Variants in MCRS1 observed in about 807,000 individuals in gnomAD.
The protein encoded by MCRS1 is microspherule protein 1.
Under a neutral mutation model 62.9 loss-of-function variants are expected in MCRS1, and 22 were observed. The ratio of observed to expected loss-of-function variants is 0.35; its 90% CI spans 0.25 to 0.50. MCRS1 has a LOEUF of 0.50. Among genes scored for constraint, MCRS1 ranks in the 20% least tolerant of loss-of-function variants. The probability of loss-of-function intolerance (pLI) is 0.98; values close to 1 mark genes in which losing one functional copy is unlikely to be tolerated. For synonymous variants in MCRS1, 244 were observed against 233.5 expected (o/e 1.04, Z -0.41); for missense variants, 456 against 601.1 (o/e 0.76, Z 2.52).
rs1164642054 is a variant in MCRS1, at chr12:49,566,719, T to C, written c.10+3A>G. The C allele has an allele frequency of 6.2e-7, 1 of 1,613,824 alleles. No individual in the cohort carries two copies. The highest frequency in any genetic ancestry group is 8.5e-7 in the Non-Finnish European group (1 of 1,179,924). On this transcript the variant is annotated splice_donor_region_variant and intron_variant, in intron 2 of 14. Coordinates refer to ENST00000343810, the MANE Select transcript of MCRS1 (RefSeq NM_006337.5). Reference sequence around the variant, plus strand: ...TTGGGGAGCTGTCCCGGCCTCATACTACCTTTGTCCATCCTCTTACAGTCC... The same window carrying C: ...TTGGGGAGCTGTCCCGGCCTCATACCACCTTTGTCCATCCTCTTACAGTCC...
intron 6 of MCRS1, 97 bp from the exon 7 acceptor site, chr12:49,563,643 C>A: frequency 1.1e-6 from 1 of 884,004 alleles, no homozygotes; most frequent in Non-Finnish European, 1.7e-6. Flanking sequence ...CTTTTGAGAT[C>A]CAGAACCTAG....
chr12:49,563,702 G>T (rs1381489682), intron 6 of MCRS1, among the ~76,000 whole-genome samples, 156 bp from the exon 7 acceptor site: 1 of 152,228 alleles, frequency 6.6e-6, no homozygotes, highest in Admixed American at 6.5e-5. Context: ...GATAATCTGT[G>T]GCTCCACAGG....
chr12:49,559,763 C>G lies in MCRS1; in HGVS notation c.969G>C (p.Leu323=). The G allele has an allele frequency of 6.2e-7, 1 of 1,614,212 alleles. No homozygotes were observed. Among genetic ancestry groups the G allele is most frequent in the Non-Finnish European group, 8.5e-7 (1 of 1,180,038 alleles). The change falls in exon 11 of 15, where the codon CTG becomes CTC. Residue 323 remains leucine (L), a synonymous_variant. Coordinates refer to ENST00000343810, the MANE Select transcript of MCRS1 (RefSeq NM_006337.5). The surrounding 1 kb of genome is among the most constrained non-coding windows in gnomAD (Gnocchi z 5.2). The stretch of plus-strand genomic sequence containing the variant: ...TGTCCACTAGCACCTGCCACTTATG[C>G]AGTTCCTGTTCCAGCTGCCGAATCT... ...KREIRQLEQE[L]HKWQVLVDSI...
At chr12:49,564,973 A>C in intron 4 of MCRS1, 78 bp from the exon 5 acceptor site, 1 of 1,484,776 alleles carries the variant, frequency 6.7e-7, no homozygotes, top group Non-Finnish European at 9.0e-7. Flanking sequence ...AGTTTCACAT[A>C]CTCTGTGGCA....
chr12:49,558,352 T>A lies in MCRS1; in HGVS notation c.*291A>T. 2.3e-6 allele frequency: 1 copy of A among 443,772 alleles called. No individual in the cohort carries two copies. The highest frequency in any genetic ancestry group is 4.0e-6 in the Non-Finnish European group (1 of 253,132). The allele number at this position is 443,772 out of a possible 1,614,324, so 27.5% of individuals were successfully genotyped here. On this transcript the variant is annotated 3_prime_UTR_variant, in exon 15 of 15. Transcript: ENST00000343810. The stretch of plus-strand genomic sequence containing the variant: ...CAAAAGAAAAACAATAAAAGAAGAG[T>A]CTGAGGCTAATCAGCTGGAGACACA...
intron 8 of MCRS1, among the ~76,000 whole-genome samples, chr12:49,562,013 C>CT (rs1307074410): frequency 6.6e-6 from 1 of 152,156 alleles, no homozygotes; most frequent in Non-Finnish European, 1.5e-5. Context: ...TCTGTGATAT[C>CT]TGAGTCTGAG....
At chr12:49,566,674 G>T (rs374440268) in intron 2 of MCRS1, 48 bp downstream of exon 2, 2 of 1,612,960 alleles carry the variant, frequency 1.2e-6, no homozygotes, top group African/African-American at 2.7e-5. Context: ...GGAATCAGCA[G>T]ATGCTTGGCG....
intron 8 of MCRS1, among the ~76,000 whole-genome samples, chr12:49,562,061 G>C (rs979919416): frequency 6.6e-6 from 1 of 152,168 alleles, no homozygotes; most frequent in Non-Finnish European, 1.5e-5. Flanking sequence ...GAATAAAGAG[G>C]GCTGCCCCCG....
intron 1 of MCRS1, 125 bp from the exon 2 acceptor site, chr12:49,566,966 A>T: frequency 1.7e-6 from 1 of 580,656 alleles, no homozygotes; most frequent in South Asian, 2.0e-5. Context: ...GGAAAGAGGC[A>T]TAAGGCCCCA....
intron 8 of MCRS1, among the ~76,000 whole-genome samples, chr12:49,560,674 G>A (rs976842051): frequency 2.0e-5 from 3 of 152,196 alleles, no homozygotes; most frequent in Admixed American, 6.5e-5. Flanking sequence ...ACTACCATTA[G>A]CTCTATTTTA....
chr12:49,561,420 C>T (rs1017345190), intron 8 of MCRS1, among the ~76,000 whole-genome samples: 2 of 152,162 alleles, frequency 1.3e-5, no homozygotes, highest in Non-Finnish European at 2.9e-5. Flanking sequence ...TCCCTCCCCA[C>T]CAGAGCTGCC....
Position 49,563,053 on chromosome 12 carries a change from CAGGGCCTTCGCGGTA to C in MCRS1, c.738_752del (p.Thr247_Leu251del). On this transcript the variant is annotated inframe_deletion, in exon 8 of 15. Transcript: ENST00000343810. ...GCTTCATGAGCTGCCAGTGGGCCTG[CAGGGCCTTCGCGGTA>C]CGGGCCAGGTAGAAGGCATCAGGGT... The C allele has an allele frequency of 6.3e-7, 1 of 1,585,796 alleles. No individual in the cohort carries two copies. Among genetic ancestry groups the C allele is most frequent in the Non-Finnish European group, 8.6e-7 (1 of 1,163,750 alleles).
At chr12:49,565,388 G>T in intron 4 of MCRS1, 141 bp downstream of exon 4, 1 of 1,500,666 alleles carries the variant, frequency 6.7e-7, no homozygotes, top group East Asian at 2.4e-5. Flanking sequence ...GTTCCCAGGA[G>T]GGGGGCATCT....
chr12:49,566,175 G>C lies in MCRS1; in HGVS notation c.51C>G (p.Gly17=). ...GLLDSSLMAS[G]TASRSEDEES... ...CCTCATCCTCTGAGCGGCTGGCAGT[G>C]CCTGATGCCATCAGGGATGAATCTA... The change falls in exon 3 of 15, where the codon GGC becomes GGG. Residue 17 remains glycine (G), a synonymous_variant. Coordinates refer to ENST00000343810, the MANE Select transcript of MCRS1 (RefSeq NM_006337.5). The C allele has an allele frequency of 6.2e-7, 1 of 1,614,174 alleles. No homozygotes were observed. The highest frequency in any genetic ancestry group is 8.5e-7 in the Non-Finnish European group (1 of 1,180,018).
rs1020856512 is a variant in MCRS1 at position 49,566,093 on chromosome 12, G to A, written c.133C>T (p.Arg45Trp). ...SSQALGTIPK[R>W]RSSSRFIKRK... The stretch of plus-strand genomic sequence containing the variant: ...CCTTACTACCTGGAGGAGCTTCTCC[G>A]TTTAGGGATGGTGCCCAAGGCCTGG... Residue 45 changes from arginine (R) to tryptophan (W), a missense_variant, in exon 3 of 15, where the codon CGG (arginine) becomes TGG (tryptophan). By Grantham distance (101) the Arg-to-Trp change is moderately radical (BLOSUM62 -3). Transcript: ENST00000343810. 6 of 1,613,998 alleles carry A rather than the reference G, an allele frequency of 3.7e-6. No individual in the cohort carries two copies. The highest frequency in any genetic ancestry group is 2.7e-5 in the African/African-American group (2 of 74,930).
intron 9 of MCRS1, 54 bp from the exon 10 acceptor site, chr12:49,560,021 C>A: frequency 1.2e-6 from 2 of 1,611,710 alleles, no homozygotes; most frequent in Non-Finnish European, 1.7e-6. Flanking sequence ...TTGCCTGTTA[C>A]TTGGCTCATT....
Position 49,563,526 on chromosome 12 carries a change from C to T in MCRS1, c.578G>A (p.Arg193Lys), listed in dbSNP as rs1938887591. ...VISKLACQAM[R>K]QLHPEAIAAI... ...TGCAATAGCCTCTGGGTGCAGCTGC[C>T]TCATGGCCTGACAGGCCAACCTGGA... The change falls in exon 7 of 15, where the codon AGG (arginine) becomes AAG (lysine). Residue 193 changes from arginine to lysine, a missense_variant. By Grantham distance (26) the Arg-to-Lys change is conservative (BLOSUM62 2). This residue lies in a region of MCRS1 where 393 missense variants were observed against 523.5 expected (regional missense o/e 0.75). Coordinates refer to ENST00000343810, the MANE Select transcript of MCRS1 (RefSeq NM_006337.5). The T allele has an allele frequency of 6.2e-7, 1 of 1,610,898 alleles. No individual in the cohort carries two copies. Among genetic ancestry groups the T allele is most frequent in the East Asian group, 2.2e-5 (1 of 44,878 alleles).
At chr12:49,561,118 C>T (rs1219483740) in intron 8 of MCRS1, among the ~76,000 whole-genome samples, 3 of 152,082 alleles carry the variant, frequency 2.0e-5, no homozygotes, top group African/African-American at 4.8e-5. Flanking sequence ...CCTAGCTACT[C>T]GGAGCCTGAG....
intron 4 of MCRS1, 140 bp downstream of exon 4, chr12:49,565,389 G>A (rs1178658174): frequency 4.7e-6 from 7 of 1,501,192 alleles, no homozygotes; most frequent in Non-Finnish European, 5.3e-6. Flanking sequence ...TTCCCAGGAG[G>A]GGGGCATCTG....
Sources: gnomAD v4.1 joint callset for allele counts (sites outside exome capture counted in the v4.1 genomes callset) on GRCh38, gnomAD v4.1.1 for gene constraint, gnomAD v4.1.1 regional missense constraint, Gnocchi (gnomAD v3.1) non-coding constraint, MANE v1.5 for transcripts, NCBI Gene and HGNC (gene_info 2026-07-23, HGNC 2026-07-21) for gene names.